The following PAK5 variants were observed in gnomAD, a reference collection of about 807,000 sequenced individuals.
The protein encoded by PAK5 is p21 (RAC1) activated kinase 5.
PAK5 carries 16 observed loss-of-function variants against 65.9 expected under a neutral mutation model. That is an observed-to-expected ratio of 0.24 (90% CI 0.16 to 0.37). PAK5 has a LOEUF of 0.37. Among genes scored for constraint, PAK5 ranks in the 10% least tolerant of loss-of-function variants. The pLI is 1.00. For synonymous variants in PAK5, 371 were observed against 354.9 expected (o/e 1.05, Z -0.51); for missense variants, 785 against 903.9 (o/e 0.87, Z 1.69).
chr20:9,784,029 A>G (rs1198249022), intron 1 of PAK5, among the ~76,000 whole-genome samples: 1 of 152,218 alleles, frequency 6.6e-6, no homozygotes, highest in Non-Finnish European at 1.5e-5. Flanking sequence ...TTTAAGTCTC[A>G]TGAAATGTTA....
At chr20:9,832,455 T>C (rs879465658) in intron 1 of PAK5, among the ~76,000 whole-genome samples, 26 of 152,244 alleles carry the variant, frequency 1.7e-4, no homozygotes, top group Non-Finnish European at 2.6e-4. Flanking sequence ...TGTATTTTAG[T>C]AGAGATGGGG....
At chr20:9,732,538 A>G (rs1024453633) in intron 1 of PAK5, among the ~76,000 whole-genome samples, 1 of 152,166 alleles carries the variant, frequency 6.6e-6, no homozygotes, top group Admixed American at 6.5e-5. Context: ...AATTAGCATA[A>G]TTATTACTGC....
At chr20:9,801,328 T>TATAG (rs1250254539) in intron 1 of PAK5, among the ~76,000 whole-genome samples, 9 of 151,974 alleles carry the variant, frequency 5.9e-5, no homozygotes, top group African/African-American at 1.9e-4. Flanking sequence ...AAAATATTTA[T>TATAG]ATAGATATAA....
chr20:9,748,479 C>T (rs1334666132), intron 1 of PAK5, among the ~76,000 whole-genome samples: 1 of 152,036 alleles, frequency 6.6e-6, no homozygotes, highest in Non-Finnish European at 1.5e-5. Flanking sequence ...GGTACTAGTA[C>T]CAAAACAGAG....
intron 3 of PAK5, among the ~76,000 whole-genome samples, chr20:9,600,364 G>T (rs978014622): frequency 6.6e-6 from 1 of 152,154 alleles, no homozygotes; most frequent in African/African-American, 2.4e-5. Context: ...TTTTAGGATG[G>T]TTTTCCTATT....
At chr20:9,597,608 T>A (rs1405684039) in intron 3 of PAK5, among the ~76,000 whole-genome samples, 1 of 152,208 alleles carries the variant, frequency 6.6e-6, no homozygotes, top group Non-Finnish European at 1.5e-5. Flanking sequence ...CCGCACCTCC[T>A]CCCATCAGGA....
chr20:9,774,120 C>G (rs1951943116), intron 1 of PAK5, among the ~76,000 whole-genome samples: 1 of 152,228 alleles, frequency 6.6e-6, no homozygotes, highest in African/African-American at 2.4e-5. Flanking sequence ...AAGTGTCAAT[C>G]TGGGACTACC....
At chr20:9,828,360 A>C (rs1378430369) in intron 1 of PAK5, among the ~76,000 whole-genome samples, 2 of 152,230 alleles carry the variant, frequency 1.3e-5, no homozygotes, top group Non-Finnish European at 1.5e-5. Flanking sequence ...TAGAGAAGAG[A>C]GAACATTGTC....
rs967219562 is a variant in PAK5, at chr20:9,750,918, C to T, written c.-161-39483G>A. 5.9e-5 allele frequency among the ~76,000 whole-genome samples: 9 copies of T among 152,144 alleles called. No individual in the cohort carries two copies. The South Asian group carries it at 6.2e-4, about 10-fold the overall frequency. On this transcript the variant is annotated intron_variant, in intron 1 of 9. Transcript: ENST00000353224. ...AGTCTAGAGTAGGTTTATCTGATTT[C>T]CCAAGCCCAGGCCACATGTCTGTGC...
intron 1 of PAK5, among the ~76,000 whole-genome samples, chr20:9,798,508 G>A (rs752222286): frequency 1.2e-4 from 19 of 152,056 alleles, no homozygotes; most frequent in Non-Finnish European, 2.1e-4. Context: ...AGAAGATGTC[G>A]GGAATCTTCC....
chr20:9,675,919 A>G (rs577539856), intron 2 of PAK5, among the ~76,000 whole-genome samples: 6 of 152,376 alleles, frequency 3.9e-5, no homozygotes, highest in African/African-American at 1.4e-4. Flanking sequence ...CAACATAGCT[A>G]TAATTGTAAA....
At chr20:9,822,248 C>G (rs62192942) in intron 1 of PAK5, among the ~76,000 whole-genome samples, 26,669 of 148,326 alleles carry the variant, frequency 0.18, 2,908 homozygotes, top group Admixed American at 0.32. Flanking sequence ...GAGATCCTGC[C>G]ACTGCACTCC....
At chr20:9,542,818 G>T in intron 8 of PAK5, 98 bp from the exon 9 acceptor site, 16 of 1,057,272 alleles carry the variant, frequency 1.5e-5, no homozygotes, top group Non-Finnish European at 2.1e-5. Context: ...AGTGACTATG[G>T]CACTTGTAAC....
chr20:9,539,385 T>G lies in PAK5; in HGVS notation c.*77A>C. 2.1e-6 allele frequency: 3 copies of G among 1,414,328 alleles called. No homozygotes were observed. The highest frequency in any genetic ancestry group is 3.0e-6 in the Non-Finnish European group (3 of 1,009,362). The allele number at this position is 1,414,328 out of a possible 1,614,324, so 87.6% of individuals were successfully genotyped here. Reference sequence around the variant, plus strand: ...GTCTAGAATGCACAGGCCTTTTGCATGTTCTGTGTTTCCTTTTGTTCTCCT... The same window carrying G: ...GTCTAGAATGCACAGGCCTTTTGCAGGTTCTGTGTTTCCTTTTGTTCTCCT... On this transcript the variant is annotated 3_prime_UTR_variant, in exon 10 of 10. Transcript: ENST00000353224.
At chr20:9,736,726 T>A (rs1171185147) in intron 1 of PAK5, among the ~76,000 whole-genome samples, 1 of 152,222 alleles carries the variant, frequency 6.6e-6, no homozygotes, top group East Asian at 1.9e-4. Flanking sequence ...TTACAAGAAA[T>A]AACTTTAAGT....
intron 4 of PAK5, chr20:9,575,497 T>TA (rs2045870875): frequency 6.6e-6 from 1 of 152,188 alleles, no homozygotes; most frequent in Admixed American, 6.5e-5. Context: ...GATTATCTTT[T>TA]AAAAAATCAA....
chr20:9,773,324 G>A (rs1234239951), intron 1 of PAK5, among the ~76,000 whole-genome samples: 1 of 152,044 alleles, frequency 6.6e-6, no homozygotes, highest in African/African-American at 2.4e-5. Flanking sequence ...GTGCCATGTT[G>A]ATGTGCTGCA....
At chr20:9,718,487 G>A (rs538251756) in intron 1 of PAK5, among the ~76,000 whole-genome samples, 2 of 152,204 alleles carry the variant, frequency 1.3e-5, no homozygotes, top group African/African-American at 4.8e-5. Flanking sequence ...TAGGAAAATA[G>A]CATTTTGTCC....
intron 3 of PAK5, among the ~76,000 whole-genome samples, chr20:9,594,658 ACTCTGATATGGGAGTCCCTCT>A (rs2046231733): frequency 6.6e-6 from 1 of 152,126 alleles, no homozygotes; most frequent in Non-Finnish European, 1.5e-5. Flanking sequence ...AAAAAGGACA[ACTCTGATATGGGAGTCCCTCT>A]CCTTTCTCCC....
Sources: gnomAD v4.1 joint callset for allele counts (sites outside exome capture counted in the v4.1 genomes callset) on GRCh38, gnomAD v4.1.1 for gene constraint, MANE v1.5 for transcripts, NCBI Gene and HGNC (gene_info 2026-07-23, HGNC 2026-07-21) for gene names.